The following DCLK2 variants were observed in gnomAD, a reference collection of about 807,000 sequenced individuals.
DCLK2 encodes doublecortin like kinase 2, also known as serine/threonine-protein kinase DCLK2.
A neutral mutation model predicts 78.4 loss-of-function variants in DCLK2; 31 were observed. The ratio of observed to expected loss-of-function variants is 0.40; its 90% CI spans 0.30 to 0.53. The LOEUF is 0.53. Ranked by LOEUF, DCLK2 falls within the 20% of genes least tolerant of loss-of-function variation. The pLI is 0.61. For synonymous variants in DCLK2, 407 were observed against 374.9 expected (o/e 1.09, Z -0.99); for missense variants, 872 against 973.7 (o/e 0.90, Z 1.39).
intron 5 of DCLK2, among the ~76,000 whole-genome samples, chr4:150,214,782 T>C (rs891245450): frequency 3.3e-5 from 5 of 151,912 alleles, no homozygotes; most frequent in African/African-American, 1.2e-4. Context: ...GCCAACATGA[T>C]GAAACCCCAT....
chr4:150,223,701 G>A (rs997863664), intron 7 of DCLK2, among the ~76,000 whole-genome samples: 5 of 152,016 alleles, frequency 3.3e-5, no homozygotes, highest in African/African-American at 9.6e-5. Flanking sequence ...CCAAGATTGC[G>A]CCATTGCACT....
rs547099038 is a variant in DCLK2 at position 150,250,437 on chromosome 4, C to T, written c.2073+753C>T. 2.6e-4 allele frequency among the ~76,000 whole-genome samples: 40 copies of T among 152,202 alleles called. 1 individual carries two copies. In the South Asian group the frequency reaches 5.0e-3, roughly 19 times the overall value. ...AGGCCTGAGCCAATGCAACCCTGGGCGGGAAGGCCAGCTCACCGTGAGCAG... is the reference window on the plus strand; with the variant it reads ...AGGCCTGAGCCAATGCAACCCTGGGTGGGAAGGCCAGCTCACCGTGAGCAG... On this transcript the variant is annotated intron_variant, in intron 15 of 15. Transcript: ENST00000296550.
chr4:150,133,548 A>G (rs1375340917), intron 2 of DCLK2, among the ~76,000 whole-genome samples: 1 of 152,244 alleles, frequency 6.6e-6, no homozygotes, highest in African/African-American at 2.4e-5. Flanking sequence ...GGGATGATAT[A>G]GCAGGATATA....
intron 3 of DCLK2, among the ~76,000 whole-genome samples, chr4:150,196,209 T>A (rs577376386): frequency 4.5e-4 from 68 of 152,332 alleles, no homozygotes; most frequent in Admixed American, 3.9e-4. Flanking sequence ...AGTAACTACA[T>A]CCTCGATTAA....
intron 1 of DCLK2, among the ~76,000 whole-genome samples, chr4:150,086,514 T>A (rs868529571): frequency 0.38 from 56,419 of 149,344 alleles, 10,823 homozygotes; most frequent in Non-Finnish European, 0.42. Context: ...TTATTTTTTT[T>A]TTTTTTTTTT....
intron 8 of DCLK2, among the ~76,000 whole-genome samples, chr4:150,224,919 G>C (rs546953450): frequency 6.6e-6 from 1 of 152,282 alleles, no homozygotes; most frequent in Admixed American, 6.5e-5. Flanking sequence ...CAGAACACAA[G>C]ATTTCTGAGT....
In DCLK2 at chr4:150,095,225, GCT is replaced by G. The variant is rs552576151; in HGVS notation, c.422-7249_422-7248del. ...ATAGAATATTGCCAGCATCTGAGAA[GCT>G]CTCCCTGTGTCCCTTCCCATTTACA... On this transcript the variant is annotated intron_variant, in intron 1 of 15. Coordinates refer to ENST00000296550, the MANE Select transcript of DCLK2 (RefSeq NM_001040260.4). 6.6e-5 allele frequency among the ~76,000 whole-genome samples: 10 copies of G among 152,278 alleles called. No homozygotes were observed. The South Asian group carries it at 2.1e-3, about 32-fold the overall frequency.
intron 12 of DCLK2, among the ~76,000 whole-genome samples, chr4:150,247,349 G>A (rs1743397986): frequency 2.0e-5 from 3 of 152,080 alleles, no homozygotes. Context: ...CCGAAACTCT[G>A]CATTCATTAA....
At chr4:150,136,634 C>T (rs1021919086) in intron 2 of DCLK2, among the ~76,000 whole-genome samples, 1 of 152,200 alleles carries the variant, frequency 6.6e-6, no homozygotes, top group African/African-American at 2.4e-5. Flanking sequence ...GGAGAAGGAA[C>T]AGCTTCCAGG....
At position 150,078,905 on chromosome 4, in the gene DCLK2, G is replaced by C; in HGVS notation, c.-123G>C. ...TCGGCCCCACCTGCGCGGAGAGGGC[G>C]GGATGCCAGAGCCAGGTGTCCCGGC... is the stretch of plus-strand genomic sequence containing the variant. On this transcript the variant is annotated 5_prime_UTR_variant, in exon 1 of 16. Coordinates refer to ENST00000296550, the MANE Select transcript of DCLK2 (RefSeq NM_001040260.4). 7.9e-7 allele frequency: 1 copy of C among 1,268,050 alleles called. No individual in the cohort carries two copies. Among genetic ancestry groups the C allele is most frequent in the Non-Finnish European group, 1.0e-6 (1 of 960,120 alleles). 78.5% of individuals were successfully genotyped at this position (1,268,050 alleles called of 1,614,324 possible). A position where few individuals can be genotyped will look rare whatever the true frequency, so the allele number is the denominator to read the frequency against.
chr4:150,171,827 T>C (rs1158153188), intron 2 of DCLK2, among the ~76,000 whole-genome samples: 1 of 152,248 alleles, frequency 6.6e-6, no homozygotes, highest in Non-Finnish European at 1.5e-5. Flanking sequence ...GTGATTATAC[T>C]TGAATCCCTC....
At chr4:150,193,903 C>T (rs1738662916) in intron 3 of DCLK2, among the ~76,000 whole-genome samples, 1 of 151,980 alleles carries the variant, frequency 6.6e-6, no homozygotes, top group Admixed American at 6.6e-5. Flanking sequence ...AGGCATAAGT[C>T]ACCATTCCTG....
Position 150,222,081 on chromosome 4 carries a change from T to C in DCLK2, c.1241+296T>C, listed in dbSNP as rs1438948939. ...ATCATAGTTCACTGCAGCCTCAATC[T>C]GCAGGGTGCCAGTGATTCTCCCACC... On this transcript the variant is annotated intron_variant, in intron 7 of 15. Transcript: ENST00000296550. Among the ~76,000 whole-genome samples, 6 of 152,096 alleles carry C rather than the reference T, an allele frequency of 3.9e-5. No individual in the cohort carries two copies. In the East Asian group the frequency reaches 1.2e-3, roughly 29 times the overall value.
At chr4:150,167,923 G>A (rs1213819941) in intron 2 of DCLK2, among the ~76,000 whole-genome samples, 1 of 152,220 alleles carries the variant, frequency 6.6e-6, no homozygotes, top group Non-Finnish European at 1.5e-5. Context: ...TACAACTCCA[G>A]TAAACACACT....
chr4:150,249,099 C>G (rs1490391148), intron 14 of DCLK2, among the ~76,000 whole-genome samples: 2 of 152,154 alleles, frequency 1.3e-5, no homozygotes, highest in Non-Finnish European at 2.9e-5. Flanking sequence ...TTGCTGCTCT[C>G]TTGGGCTAAA....
At chr4:150,210,277 G>A (rs142840142) in intron 5 of DCLK2, among the ~76,000 whole-genome samples, 95 of 152,224 alleles carry the variant, frequency 6.2e-4, no homozygotes, top group African/African-American at 2.1e-3. Flanking sequence ...CTTTCTTACC[G>A]TAAACCTTGG....
intron 4 of DCLK2, chr4:150,198,912 C>CT (rs1429976174): frequency 2.0e-6 from 1 of 505,634 alleles, no homozygotes; most frequent in Non-Finnish European, 3.4e-6. Context: ...CTTTCAGCAC[C>CT]CCCCCCCCCA....
At chr4:150,242,516 G>A (rs1028083737) in intron 12 of DCLK2, among the ~76,000 whole-genome samples, 1 of 152,210 alleles carries the variant, frequency 6.6e-6, no homozygotes, top group Non-Finnish European at 1.5e-5. Flanking sequence ...TGGATCAGTT[G>A]AGTGAATCTT....
chr4:150,169,572 G>A (rs1000606233), intron 2 of DCLK2, among the ~76,000 whole-genome samples: 2 of 151,832 alleles, frequency 1.3e-5, no homozygotes, highest in African/African-American at 2.4e-5. Context: ...CAGGAGAATC[G>A]GTTGAACCTG....
Sources: allele counts gnomAD v4.1 joint callset (sites outside exome capture counted in the v4.1 genomes callset), GRCh38; gene constraint gnomAD v4.1.1; transcripts MANE v1.5; gene names NCBI Gene and HGNC (gene_info 2026-07-23, HGNC 2026-07-21).